MZT2A: variants seen among roughly 807,000 people sequenced by gnomAD.
MZT2A encodes the protein mitotic spindle organizing protein 2A.
MZT2A carries 8 observed loss-of-function variants against 12.4 expected under a neutral mutation model. The ratio of observed to expected loss-of-function variants is 0.64; its 90% CI spans 0.38 to 1.16. The LOEUF (loss-of-function observed/expected upper bound fraction) is 1.16, where lower values mean the gene tolerates loss of function less well. Among genes scored for constraint, MZT2A ranks in the 50% most tolerant of loss-of-function variants. The pLI is 0.01. For synonymous variants in MZT2A, 88 were observed against 107.5 expected, an observed-to-expected ratio of 0.82 and a Z score of 1.12; for missense variants, 181 against 223.6, an observed-to-expected ratio of 0.81 and a Z score of 1.22.
At chr2:131,491,007 C>A (rs1189047602) in intron 2 of MZT2A, 5 of 1,473,970 alleles carry the variant, frequency 3.4e-6, no homozygotes, top group Non-Finnish European at 4.6e-6. Flanking sequence ...CAGGCCCTGG[C>A]ACTTCCCCCA....
At chr2:131,481,592 G>A (rs1208469405), downstream of MZT2A, among the ~76,000 whole-genome samples, 5 of 151,720 alleles carry the variant, frequency 3.3e-5, no homozygotes, top group African/African-American at 4.8e-5. Flanking sequence ...CTGCCACCAC[G>A]CCTGGCTAAT....
upstream of MZT2A, chr2:131,492,872 G>T: frequency 6.7e-7 from 1 of 1,496,534 alleles, no homozygotes; most frequent in Non-Finnish European, 9.0e-7. Context: ...ACCTTGGGGC[G>T]CCAGAGGCCG....
intron 2 of MZT2A, among the ~76,000 whole-genome samples, chr2:131,477,474 C>G (rs369260095): frequency 6.6e-6 from 1 of 152,044 alleles, no homozygotes; most frequent in African/African-American, 2.4e-5. Context: ...AAGAGGGCAG[C>G]CTGCCAAAAG....
At chr2:131,482,722 G>A (rs773371130), downstream of MZT2A, 34 of 1,614,072 alleles carry the variant, frequency 2.1e-5, no homozygotes, top group Admixed American at 5.0e-4. Context: ...ACTGGTACGT[G>A]GGCGAAGGCA....
At chr2:131,492,645 CT>C (rs1463494262), upstream of MZT2A, 20 of 1,251,284 alleles carry the variant, frequency 1.6e-5, no homozygotes, top group African/African-American at 1.1e-4. Flanking sequence ...CCCTGATAGA[CT>C]TGCATTGGTC....
At chr2:131,493,693 A>C (rs1010139712), upstream of MZT2A, among the ~76,000 whole-genome samples, 8 of 151,956 alleles carry the variant, frequency 5.3e-5, no homozygotes, top group East Asian at 1.2e-3. Context: ...AACAAAAAAA[A>C]CAAACGGGTC....
chr2:131,486,621 G>GTT (rs1679062759), intron 2 of MZT2A: 1 of 144,896 alleles, frequency 6.9e-6, no homozygotes, highest in Non-Finnish European at 1.5e-5. Flanking sequence ...TTTTTTTTAA[G>GTT]AGTGGTGGGG....
At chr2:131,485,683 G>A (rs1050480796) in intron 2 of MZT2A, among the ~76,000 whole-genome samples, 2 of 152,136 alleles carry the variant, frequency 1.3e-5, no homozygotes, top group Non-Finnish European at 2.9e-5. Context: ...CCAGACAAGG[G>A]TTCAGCCAAC....
downstream of MZT2A, chr2:131,482,860 G>A: frequency 6.2e-7 from 1 of 1,609,662 alleles, no homozygotes; most frequent in Non-Finnish European, 8.5e-7. Flanking sequence ...GGGAGGGTGT[G>A]GTGGGTTCTC....
chr2:131,484,498 C>G (rs1678975604), intron 2 of MZT2A, among the ~76,000 whole-genome samples: 1 of 152,248 alleles, frequency 6.6e-6, no homozygotes, highest in Non-Finnish European at 1.5e-5. Context: ...TGAAAGGACA[C>G]ATGCCACGGG....
downstream of MZT2A, among the ~76,000 whole-genome samples, chr2:131,480,908 TTC>T (rs1252997559): frequency 4.0e-5 from 6 of 151,832 alleles, no homozygotes; most frequent in Non-Finnish European, 7.4e-5. Context: ...ATTCAGTGAT[TTC>T]TTTTTTTTTT....
At chr2:131,492,144 G>T in intron 1 of MZT2A, 63 bp downstream of exon 1, 1 of 1,538,182 alleles carries the variant, frequency 6.5e-7, no homozygotes, top group Non-Finnish European at 8.8e-7. Flanking sequence ...CGGGCCGGGC[G>T]TACCCGGAGA....
In MZT2A at chr2:131,490,773, G is replaced by C. The variant is rs1679262209; in HGVS notation, c.319+1103C>G. On this transcript the variant is annotated intron_variant, in intron 2 of 2. Transcript: ENST00000309451. ...AGGGAACCCGGGGGGCCTGGAGAGAGAGGTGAGTGTGTGGCAGCTGGGCTG... is the reference window on the plus strand; with the variant it reads ...AGGGAACCCGGGGGGCCTGGAGAGACAGGTGAGTGTGTGGCAGCTGGGCTG... 11 of 1,549,846 alleles carry C rather than the reference G, an allele frequency of 7.1e-6. No homozygotes were observed. In the South Asian group the frequency reaches 1.2e-4, roughly 17 times the overall value.
chr2:131,472,275 T>C (rs1705004339), intron 2 of MZT2A: 1 of 1,105,170 alleles, frequency 9.0e-7, no homozygotes, highest in African/African-American at 1.6e-5. Flanking sequence ...TTGAAATGAT[T>C]TAATAATTCA....
chr2:131,490,132 G>T (rs1466529090), intron 2 of MZT2A: 1 of 679,122 alleles, frequency 1.5e-6, no homozygotes, highest in Admixed American at 6.2e-5. Context: ...TCATGCAGGA[G>T]GCGCGACCAA....
At chr2:131,490,382 G>A in intron 2 of MZT2A, 1 of 1,139,612 alleles carries the variant, frequency 8.8e-7, no homozygotes, top group Non-Finnish European at 1.1e-6. Context: ...GTCACGCCTG[G>A]GGCTGTGCTC....
intron 4 of MZT2A, chr2:131,470,050 C>T (rs1450108381): frequency 5.8e-5 from 20 of 346,282 alleles, no homozygotes; most frequent in South Asian, 1.1e-4. Context: ...GCCATCCACC[C>T]GCCTCGACCT....
downstream of MZT2A, chr2:131,479,193 G>A (rs1300710917): frequency 8.2e-6 from 12 of 1,466,338 alleles, no homozygotes; most frequent in East Asian, 1.4e-4. Flanking sequence ...CCTATGACAT[G>A]TAGGTCATGT....
At chr2:131,490,260 C>T in intron 2 of MZT2A, 1 of 947,470 alleles carries the variant, frequency 1.1e-6, no homozygotes, top group Non-Finnish European at 1.3e-6. Flanking sequence ...GGGACCAGCA[C>T]ATGGCATCTG....
Sources: allele counts gnomAD v4.1 joint callset (sites outside exome capture counted in the v4.1 genomes callset), GRCh38; gene constraint gnomAD v4.1.1; transcripts MANE v1.5; gene names NCBI Gene and HGNC (gene_info 2026-07-23, HGNC 2026-07-21).